The following MAPK8IP3 variants were observed in gnomAD, a reference collection of about 807,000 sequenced individuals.
The protein encoded by MAPK8IP3 is mitogen-activated protein kinase 8 interacting protein 3.
MAPK8IP3 carries 49 observed loss-of-function variants against 157.8 expected under a neutral mutation model. The observed-to-expected ratio is 0.31, with a 90% CI of 0.25 to 0.39. The LOEUF (loss-of-function observed/expected upper bound fraction) is 0.39. Ranked by LOEUF, MAPK8IP3 falls within the 10% of genes least tolerant of loss-of-function variation. The pLI is 1.00. For missense variants in MAPK8IP3, 1,478 were observed against 1,889.4 expected (o/e 0.78, Z 4.04); for synonymous variants, 897 against 777.7 (o/e 1.15, Z -2.55).
chr16:1,751,905 G>C lies in MAPK8IP3; in HGVS notation c.1216+3185G>C, dbSNP rs1217938088. 1 of 152,286 alleles carries C rather than the reference G, an allele frequency of 6.6e-6. No homozygotes were observed. Among genetic ancestry groups the C allele is most frequent in the Non-Finnish European group, 1.5e-5 (1 of 68,084 alleles). 9.4% of individuals were successfully genotyped at this position (152,286 alleles called of 1,614,324 possible). A position where few individuals can be genotyped will look rare whatever the true frequency, so the allele number is the denominator to read the frequency against. ...GGCTTTTCACTGCTGAGTAGTGCCC[G>C]TTGCATGGACAGACCACGTTGTGCT... is the stretch of plus-strand genomic sequence containing the variant. On this transcript the variant is annotated intron_variant, in intron 8 of 31. Coordinates refer to ENST00000610761, the MANE Select transcript of MAPK8IP3 (RefSeq NM_001318852.2). The surrounding 1 kb of genome is among the most constrained non-coding windows in gnomAD (Gnocchi z 5.0).
At chr16:1,726,190 G>A (rs1025438318) in intron 2 of MAPK8IP3, among the ~76,000 whole-genome samples, 1 of 152,216 alleles carries the variant, frequency 6.6e-6, no homozygotes, top group Non-Finnish European at 1.5e-5. Context: ...GGGTGACCAC[G>A]GTGGCAGCTT....
chr16:1,753,441 A>ATTT (rs778556396), intron 8 of MAPK8IP3, among the ~76,000 whole-genome samples: 1 of 141,666 alleles, frequency 7.1e-6, no homozygotes, highest in Non-Finnish European at 1.5e-5. Context: ...TTATTTATTT[A>ATTT]TTTATTTATT....
chr16:1,752,498 T>C, intron 8 of MAPK8IP3: 1 of 363,416 alleles, frequency 2.8e-6, no homozygotes, highest in Non-Finnish European at 5.5e-6. Flanking sequence ...ATCCCAGAGC[T>C]TTGGGAGGCC....
Position 1,743,627 on chromosome 16 carries a change from G to A in MAPK8IP3, c.747+151G>A. The A allele has an allele frequency of 6.9e-7, 1 of 1,448,222 alleles. No homozygotes were observed. Among genetic ancestry groups the A allele is most frequent in the Non-Finnish European group, 9.0e-7 (1 of 1,108,244 alleles). 89.7% of individuals were successfully genotyped at this position (1,448,222 alleles called of 1,614,324 possible). A position where few individuals can be genotyped will look rare whatever the true frequency, so the allele number is the denominator to read the frequency against. The stretch of plus-strand genomic sequence containing the variant: ...GTGTGTGGCAGGATGGAGAAACCCA[G>A]CCAGGGTGTCAGGGGCTCAGGCTGC... On this transcript the variant is annotated intron_variant, in intron 5 of 31. Coordinates refer to ENST00000610761, the MANE Select transcript of MAPK8IP3 (RefSeq NM_001318852.2). The surrounding 1 kb of genome is among the most constrained non-coding windows in gnomAD (Gnocchi z 5.6).
rs577213995 is a variant in MAPK8IP3 at position 1,739,916 on chromosome 16, G to A, written c.603-3416G>A. On this transcript the variant is annotated intron_variant, in intron 4 of 31. Coordinates refer to ENST00000610761, the MANE Select transcript of MAPK8IP3 (RefSeq NM_001318852.2). ...CGTGTGAGCATCCCTGTGACCGTCC[G>A]TGTGAGCTTCCGTGTGACTGTCCGT... Among the ~76,000 whole-genome samples the A allele has an allele frequency of 1.7e-3, 213 of 128,748 alleles. 2 individuals carry two copies. Among genetic ancestry groups the A allele is most frequent in the Non-Finnish European group, 2.4e-3 (149 of 61,884 alleles). 84.5% of individuals were successfully genotyped at this position (128,748 alleles called of 152,430 possible).
chr16:1,764,563 C>A lies in MAPK8IP3; in HGVS notation c.2280+104C>A, dbSNP rs148135982. 6.6e-3 allele frequency: 9,557 copies of A among 1,457,748 alleles called. 51 individuals are homozygous for A. Among genetic ancestry groups the A allele is most frequent in the South Asian group, 0.014 (1,070 of 73,812 alleles). 90.3% of individuals were successfully genotyped at this position (1,457,748 alleles called of 1,614,324 possible). A position where few individuals can be genotyped will look rare whatever the true frequency, so the allele number is the denominator to read the frequency against. On this transcript the variant is annotated intron_variant, in intron 19 of 31. Transcript: ENST00000610761. ...AGACACAGGACAGCTGGGGACAGCA[C>A]CCGGAAGCAGGGCAGCGCAGGGGCT...
At chr16:1,735,869 G>A (rs377338713) in intron 4 of MAPK8IP3, among the ~76,000 whole-genome samples, 6 of 130,830 alleles carry the variant, frequency 4.6e-5, no homozygotes, top group South Asian at 2.7e-4. Context: ...CCATATGACC[G>A]TCCATGGAGC....
intron 5 of MAPK8IP3, chr16:1,746,567 G>T: frequency 5.8e-6 from 1 of 171,986 alleles, no homozygotes. Flanking sequence ...GGTGGGCCCA[G>T]CCTCGAGCTC....
At chr16:1,726,429 C>G (rs1465575011) in intron 2 of MAPK8IP3, among the ~76,000 whole-genome samples, 1 of 152,190 alleles carries the variant, frequency 6.6e-6, no homozygotes, top group Non-Finnish European at 1.5e-5. Context: ...AACTTCCACA[C>G]TTTGGGAGGC....
intron 4 of MAPK8IP3, among the ~76,000 whole-genome samples, chr16:1,738,359 C>A (rs1403621595): frequency 1.4e-5 from 1 of 73,574 alleles, no homozygotes; most frequent in African/African-American, 5.6e-5. Context: ...TGTGACCATC[C>A]GTGTGAGTGT....
chr16:1,730,200 G>C lies in MAPK8IP3; in HGVS notation c.602+622G>C, dbSNP rs539278599. ...AGCTTGAGCCCAGGGGCTGGAGGCT[G>C]CAGTGATCTACAGTCGCGCCCCTGC... On this transcript the variant is annotated intron_variant, in intron 4 of 31. Coordinates refer to ENST00000610761, the MANE Select transcript of MAPK8IP3 (RefSeq NM_001318852.2). Among the ~76,000 whole-genome samples, 225 of 152,282 alleles carry C rather than the reference G, an allele frequency of 1.5e-3. 1 individual carries two copies. Among genetic ancestry groups the C allele is most frequent in the Non-Finnish European group, 1.3e-3 (88 of 68,026 alleles).
At chr16:1,727,317 T>C (rs569051347) in intron 2 of MAPK8IP3, among the ~76,000 whole-genome samples, 115 of 151,290 alleles carry the variant, frequency 7.6e-4, no homozygotes, top group African/African-American at 2.7e-3. Flanking sequence ...TGTCGTGTGC[T>C]GTGTGCGGCG....
At position 1,767,758 on chromosome 16, in the gene MAPK8IP3, G is replaced by T. The variant is rs114641812; in HGVS notation, c.3409+23G>T. ...TAGGTGAGGGGCCACGCCAGATGGG[G>T]TGGTGGGGTGCTCAAGGCCAGCCAC... is the stretch of plus-strand genomic sequence containing the variant. On this transcript the variant is annotated intron_variant, in intron 27 of 31. Coordinates refer to ENST00000610761, the MANE Select transcript of MAPK8IP3 (RefSeq NM_001318852.2). 3.6e-3 allele frequency: 5,858 copies of T among 1,611,960 alleles called. 186 individuals are homozygous for T. In the African/African-American group the frequency reaches 0.065, roughly 18 times the overall value.
intron 1 of MAPK8IP3, among the ~76,000 whole-genome samples, chr16:1,720,483 A>C (rs2038443223): frequency 6.6e-6 from 1 of 152,162 alleles, no homozygotes; most frequent in Non-Finnish European, 1.5e-5. Context: ...TTGGTGTTGA[A>C]AGGCATTTCA....
chr16:1,738,910 G>GTGTGAC (rs1415794004), intron 4 of MAPK8IP3, among the ~76,000 whole-genome samples: 11 of 115,536 alleles, frequency 9.5e-5, no homozygotes, highest in African/African-American at 4.0e-4. Flanking sequence ...CATCCGTGTA[G>GTGTGAC]CATCCATGTG....
chr16:1,756,452 A>T (rs968964553), intron 8 of MAPK8IP3, among the ~76,000 whole-genome samples: 1 of 151,356 alleles, frequency 6.6e-6, no homozygotes, highest in Non-Finnish European at 1.5e-5. Flanking sequence ...GCGCCACTTC[A>T]CTCCAACGTG....
chr16:1,739,898 GCATCCCTGTGACCGTCCGTGTGAGCTTC>G (rs1286880261), intron 4 of MAPK8IP3, among the ~76,000 whole-genome samples: 1 of 121,254 alleles, frequency 8.2e-6, no homozygotes, highest in East Asian at 2.6e-4. Context: ...GTCCGTGTGA[GCATCCCTGTGACCGTCCGTGTGAGCTTC>G]CGTGTGACTG....
intron 4 of MAPK8IP3, among the ~76,000 whole-genome samples, chr16:1,740,553 C>T (rs2040612145): frequency 6.6e-6 from 1 of 152,148 alleles, no homozygotes; most frequent in Non-Finnish European, 1.5e-5. Flanking sequence ...CTCCTTGTCT[C>T]GCCCTCTGTG....
At chr16:1,754,703 G>A (rs1048615981) in intron 8 of MAPK8IP3, among the ~76,000 whole-genome samples, 3 of 151,916 alleles carry the variant, frequency 2.0e-5, no homozygotes, top group South Asian at 2.1e-4. Context: ...CCTGGGAGGC[G>A]GGGGTTGCAG....
Sources: allele counts gnomAD v4.1 joint callset (sites outside exome capture counted in the v4.1 genomes callset), GRCh38; gene constraint gnomAD v4.1.1; non-coding constraint Gnocchi (gnomAD v3.1); transcripts MANE v1.5; gene names NCBI Gene and HGNC (gene_info 2026-07-23, HGNC 2026-07-21).